Variants in COG7 observed in about 807,000 individuals in gnomAD.
The protein encoded by COG7 is component of oligomeric golgi complex 7.
COG7 carries 49 observed loss-of-function variants against 91.5 expected under a neutral mutation model. The ratio of observed to expected loss-of-function variants is 0.54; its 90% CI spans 0.43 to 0.68. The LOEUF (loss-of-function observed/expected upper bound fraction) is 0.68, where lower values mean the gene tolerates loss of function less well. Ranked by LOEUF, COG7 falls within the 30% of genes least tolerant of loss-of-function variation. The probability of loss-of-function intolerance (pLI) is 0.00; values close to 1 mark genes in which losing one functional copy is unlikely to be tolerated. For missense variants in COG7, 895 were observed against 961.3 expected, an observed-to-expected ratio of 0.93 and a Z score of 0.91; for synonymous variants, 365 against 388.7, an observed-to-expected ratio of 0.94 and a Z score of 0.72.
At chr16:23,404,497 C>T (rs1228777977) in intron 12 of COG7, among the ~76,000 whole-genome samples, 3 of 152,220 alleles carry the variant, frequency 2.0e-5, no homozygotes, top group Non-Finnish European at 4.4e-5. Context: ...GTTTGTCAAG[C>T]TCAATGCAAC....
At chr16:23,402,642 C>T (rs1963396959) in intron 13 of COG7, among the ~76,000 whole-genome samples, 1 of 152,196 alleles carries the variant, frequency 6.6e-6, no homozygotes, top group African/African-American at 2.4e-5. Flanking sequence ...TGATGGCACC[C>T]GCCTCATTTC....
intron 11 of COG7, 80 bp from the exon 12 acceptor site, chr16:23,406,342 C>T: frequency 1.6e-6 from 2 of 1,222,932 alleles, no homozygotes; most frequent in Non-Finnish European, 2.4e-6. Flanking sequence ...TTGCTCCTTA[C>T]TAAATTCAAA....
chr16:23,409,649 A>G (rs986737701), intron 11 of COG7, among the ~76,000 whole-genome samples: 2 of 152,226 alleles, frequency 1.3e-5, no homozygotes, highest in African/African-American at 4.8e-5. Flanking sequence ...AAGGGAATCA[A>G]GAGATTTCAT....
At chr16:23,444,322 G>C (rs1487645837) in intron 3 of COG7, among the ~76,000 whole-genome samples, 1 of 151,806 alleles carries the variant, frequency 6.6e-6, no homozygotes, top group Non-Finnish European at 1.5e-5. Context: ...TTCTTCATAA[G>C]ACATCATCTT....
intron 14 of COG7, among the ~76,000 whole-genome samples, chr16:23,397,702 C>A (rs1211632951): frequency 6.6e-6 from 1 of 152,212 alleles, no homozygotes; most frequent in African/African-American, 2.4e-5. Flanking sequence ...CACAAACACA[C>A]ACTACTCTTC....
chr16:23,451,626 G>A (rs1423995757), intron 1 of COG7, among the ~76,000 whole-genome samples: 3 of 150,958 alleles, frequency 2.0e-5, no homozygotes, highest in Middle Eastern at 3.5e-3. Flanking sequence ...AGGCTGAGGC[G>A]AGCGGACTGC....
rs558392545 is a variant in COG7 at position 23,419,589 on chromosome 16, A to C, written c.1010-762T>G. On this transcript the variant is annotated intron_variant, in intron 7 of 16. Transcript: ENST00000307149. ...TATGGTGAAACCCGATCTCTACTAA[A>C]AATACAAAAATTAGCCGGGCGTAGT... is the stretch of plus-strand genomic sequence containing the variant. Among the ~76,000 whole-genome samples, 8 of 149,482 alleles carry C rather than the reference A, an allele frequency of 5.4e-5. 1 individual carries two copies. In the South Asian group the frequency reaches 1.7e-3, roughly 32 times the overall value.
At chr16:23,427,490 A>C (rs974653032) in intron 6 of COG7, among the ~76,000 whole-genome samples, 3 of 151,934 alleles carry the variant, frequency 2.0e-5, no homozygotes, top group African/African-American at 7.3e-5. Context: ...AAAAAAAAAA[A>C]CAAAAAACAG....
chr16:23,392,759 C>T (rs895095205), intron 15 of COG7, among the ~76,000 whole-genome samples: 3 of 151,960 alleles, frequency 2.0e-5, no homozygotes, highest in African/African-American at 4.8e-5. Flanking sequence ...GTGAAACCCC[C>T]GTCTCTGCTA....
chr16:23,433,609 T>C lies in COG7; in HGVS notation c.746A>G (p.Gln249Arg), dbSNP rs764345444. Residue 249 changes from glutamine (Q) to arginine (R), a missense_variant, in exon 6 of 17, where the codon CAG becomes CGG. Physicochemically the swap from Gln to Arg is conservative, Grantham distance 43. Coordinates refer to ENST00000307149, the MANE Select transcript of COG7 (RefSeq NM_153603.4). Reference protein sequence around the residue: ...LCQSDLSLDRQLTGLYDALLG... With the variant: ...LCQSDLSLDRRLTGLYDALLG... ...CAAGGCATCATAGAGTCCGGTAAGCTGCCGGTCCAGGGATAGGTCACTTTG... is the reference window on the plus strand; with the variant it reads ...CAAGGCATCATAGAGTCCGGTAAGCCGCCGGTCCAGGGATAGGTCACTTTG... 3 of 1,614,080 alleles carry C rather than the reference T, an allele frequency of 1.9e-6. No individual in the cohort carries two copies. Among genetic ancestry groups the C allele is most frequent in the Non-Finnish European group, 2.5e-6 (3 of 1,180,000 alleles).
chr16:23,450,201 G>T (rs1028280987), intron 1 of COG7, among the ~76,000 whole-genome samples: 9 of 152,062 alleles, frequency 5.9e-5, no homozygotes, highest in African/African-American at 2.2e-4. Flanking sequence ...TTCCAAAAGT[G>T]CTGAGATTAC....
chr16:23,424,634 T>TC, intron 7 of COG7, 115 bp downstream of exon 7: 1 of 1,080,270 alleles, frequency 9.3e-7, no homozygotes, highest in East Asian at 2.4e-5. Flanking sequence ...AAAACACCGA[T>TC]CCCTTCCATT....
At chr16:23,451,190 C>A (rs1041593720) in intron 1 of COG7, among the ~76,000 whole-genome samples, 7 of 150,530 alleles carry the variant, frequency 4.7e-5, no homozygotes, top group Non-Finnish European at 1.0e-4. Context: ...GAGACTTCGT[C>A]TCAAAAAAAA....
chr16:23,403,518 T>C (rs1223939477), intron 13 of COG7, among the ~76,000 whole-genome samples, 176 bp downstream of exon 13: 1 of 152,128 alleles, frequency 6.6e-6, no homozygotes, highest in Admixed American at 6.6e-5. Context: ...ACAATAAAGA[T>C]AAGAAATTCA....
chr16:23,439,073 G>A (rs963842604), intron 4 of COG7, among the ~76,000 whole-genome samples: 10 of 148,998 alleles, frequency 6.7e-5, no homozygotes, highest in Non-Finnish European at 8.9e-5. Flanking sequence ...CACAAGAATC[G>A]CTTCAATCTG....
At chr16:23,391,571 C>T (rs1057478655) in intron 16 of COG7, among the ~76,000 whole-genome samples, 5 of 152,312 alleles carry the variant, frequency 3.3e-5, no homozygotes, top group South Asian at 2.1e-4. Context: ...AGCCAGAAGC[C>T]GGTTGAGCCT....
rs773013919 is a variant in COG7 at position 23,424,972 on chromosome 16, G to C, written c.811-25C>G. On this transcript the variant is annotated intron_variant, in intron 6 of 16. Coordinates refer to ENST00000307149, the MANE Select transcript of COG7 (RefSeq NM_153603.4). ...CCTGCAGTGAGAGAGAGGTGTACCTGCCTTAGCACATGGAGCCAAATAGGA... is the reference window on the plus strand; with the variant it reads ...CCTGCAGTGAGAGAGAGGTGTACCTCCCTTAGCACATGGAGCCAAATAGGA... The C allele has an allele frequency of 3.2e-6, 5 of 1,573,706 alleles. No individual in the cohort carries two copies. In the African/African-American group the frequency reaches 6.8e-5, roughly 21 times the overall value.
chr16:23,427,257 GCAAA>G (rs367633468), intron 6 of COG7, among the ~76,000 whole-genome samples: 8 of 149,920 alleles, frequency 5.3e-5, no homozygotes, highest in African/African-American at 2.0e-4. Context: ...TTGCAAAAAA[GCAAA>G]CAAACAAACA....
At chr16:23,412,442 T>C (rs977779908) in intron 10 of COG7, 13 of 152,212 alleles carry the variant, frequency 8.5e-5, no homozygotes, top group African/African-American at 3.1e-4. Context: ...ACAAATCCAC[T>C]TGTTAAAAAC....
Sources: allele counts gnomAD v4.1 joint callset (sites outside exome capture counted in the v4.1 genomes callset), GRCh38; gene constraint gnomAD v4.1.1; transcripts MANE v1.5; gene names NCBI Gene and HGNC (gene_info 2026-07-23, HGNC 2026-07-21).